The following PROX1 variants were observed in gnomAD, a reference collection of about 807,000 sequenced individuals.
PROX1 encodes prospero homeobox 1, also known as prospero homeobox protein 1.
In PROX1, 7 loss-of-function variants were observed where a neutral mutation model predicts 58.8. The ratio of observed to expected loss-of-function variants is 0.12; its 90% CI spans 0.07 to 0.22. The LOEUF (loss-of-function observed/expected upper bound fraction) is 0.22, where lower values mean the gene tolerates loss of function less well. Among genes scored for constraint, PROX1 ranks in the 10% least tolerant of loss-of-function variants. The pLI is 1.00. For missense variants in PROX1, 675 were observed against 927.8 expected, an observed-to-expected ratio of 0.73 and a Z score of 3.54; for synonymous variants, 350 against 358.3, an observed-to-expected ratio of 0.98 and a Z score of 0.26.
upstream of PROX1, chr1:213,983,401 C>A (rs1249894266): frequency 1.3e-5 from 2 of 152,602 alleles, no homozygotes; most frequent in Non-Finnish European, 2.9e-5. Flanking sequence ...GCCACACATC[C>A]GAAAGGGACT....
Position 213,998,901 on chromosome 1 carries a change from A to G in PROX1, c.1725+641A>G, listed in dbSNP as rs892409551. ...TTTTTTTTTAAGGAAATATACAGGT[A>G]CTGATTTATTCAGACAGCATCGGTC... On this transcript the variant is annotated intron_variant, in intron 2 of 4. Transcript: ENST00000366958. Among the ~76,000 whole-genome samples, 4 of 151,934 alleles carry G rather than the reference A, an allele frequency of 2.6e-5. No individual in the cohort carries two copies. The South Asian group carries it at 6.2e-4, about 24-fold the overall frequency.
chr1:214,028,674 T>C (rs750848371), intron 4 of PROX1, among the ~76,000 whole-genome samples: 1 of 152,206 alleles, frequency 6.6e-6, no homozygotes, highest in African/African-American at 2.4e-5. Flanking sequence ...CCAAAGTGCA[T>C]TCATGTTTTC....
upstream of PROX1, chr1:213,986,122 T>A (rs1261096785): frequency 6.6e-6 from 1 of 152,214 alleles, no homozygotes; most frequent in Non-Finnish European, 1.5e-5. Flanking sequence ...CTAATGGGCA[T>A]GTTGATTATT....
At chr1:214,001,577 G>A (rs1381308316) in intron 2 of PROX1, among the ~76,000 whole-genome samples, 1 of 152,168 alleles carries the variant, frequency 6.6e-6, no homozygotes, top group Non-Finnish European at 1.5e-5. Context: ...CTCTGAAACA[G>A]CCGGCTTTTT....
intron 2 of PROX1, among the ~76,000 whole-genome samples, chr1:214,003,741 C>A (rs773444588): frequency 6.6e-6 from 1 of 152,208 alleles, no homozygotes; most frequent in Non-Finnish European, 1.5e-5. Flanking sequence ...GTTAATTGAA[C>A]AAATTCTCAG....
intron 2 of PROX1, among the ~76,000 whole-genome samples, chr1:213,999,427 T>C (rs1663410639): frequency 6.6e-6 from 1 of 152,202 alleles, no homozygotes; most frequent in Non-Finnish European, 1.5e-5. Context: ...GATTGACATT[T>C]TCATATCTAA....
chr1:214,009,067 C>T (rs960853091), intron 3 of PROX1, among the ~76,000 whole-genome samples: 4 of 152,188 alleles, frequency 2.6e-5, no homozygotes, highest in African/African-American at 4.8e-5. Flanking sequence ...GAAGAACAGA[C>T]GCTCACAGCT....
chr1:214,002,677 ATGTT>A (rs1440436194), intron 2 of PROX1, among the ~76,000 whole-genome samples: 1 of 151,948 alleles, frequency 6.6e-6, no homozygotes, highest in African/African-American at 2.4e-5. Context: ...GTACAGCTGT[ATGTT>A]TACTGAATCT....
At chr1:214,026,763 C>A (rs1487629201) in intron 4 of PROX1, among the ~76,000 whole-genome samples, 2 of 152,144 alleles carry the variant, frequency 1.3e-5, no homozygotes, top group Non-Finnish European at 2.9e-5. Context: ...TCATTCATTG[C>A]TGTGGTCAGA....
At chr1:213,985,678 A>G (rs1300831790), upstream of PROX1, 1 of 152,290 alleles carries the variant, frequency 6.6e-6, no homozygotes, top group African/African-American at 2.4e-5. Context: ...TGGGGTTCTC[A>G]GGGAACTTTT....
upstream of PROX1, chr1:213,984,185 G>A (rs1012320224): frequency 3.9e-5 from 6 of 152,162 alleles, no homozygotes; most frequent in African/African-American, 1.4e-4. Context: ...TTCAATCACT[G>A]ACAACCTCCT....
intron 4 of PROX1, among the ~76,000 whole-genome samples, chr1:214,026,900 C>T (rs1313383140): frequency 6.6e-6 from 1 of 152,170 alleles, no homozygotes; most frequent in Non-Finnish European, 1.5e-5. Context: ...CTCAACCTCC[C>T]TCCTTGGCAG....
intron 4 of PROX1, among the ~76,000 whole-genome samples, chr1:214,031,526 C>T (rs1368637268): frequency 6.6e-6 from 1 of 152,108 alleles, no homozygotes; most frequent in Non-Finnish European, 1.5e-5. Flanking sequence ...TCTTGCATTC[C>T]AGTGACTTGA....
At chr1:213,993,812 T>C (rs1305492326) in intron 1 of PROX1, among the ~76,000 whole-genome samples, 1 of 152,264 alleles carries the variant, frequency 6.6e-6, no homozygotes, top group African/African-American at 2.4e-5. Flanking sequence ...TTATTTGTTA[T>C]GTTCCAGCTG....
intron 4 of PROX1, among the ~76,000 whole-genome samples, chr1:214,013,138 G>GGTGT (rs67603307): frequency 1.6e-3 from 235 of 148,288 alleles, no homozygotes; most frequent in Middle Eastern, 7.0e-3. Context: ...AAGTTTGGGT[G>GGTGT]GTGTGTGTGT....
intron 3 of PROX1, among the ~76,000 whole-genome samples, chr1:214,007,348 T>C (rs1442020479): frequency 6.6e-6 from 1 of 152,234 alleles, no homozygotes; most frequent in Non-Finnish European, 1.5e-5. Flanking sequence ...TTACTACCAA[T>C]TATCCACTGT....
At chr1:214,034,433 T>G (rs1174480476) in intron 4 of PROX1, among the ~76,000 whole-genome samples, 1 of 152,240 alleles carries the variant, frequency 6.6e-6, no homozygotes, top group African/African-American at 2.4e-5. Context: ...CTCATACGTC[T>G]GCACTTAATG....
rs571122333 is a variant in PROX1, at chr1:214,040,276, A to C, written c.*4442A>C. The stretch of plus-strand genomic sequence containing the variant: ...TGGTATTTAACCTTTGCATCTTCTT[A>C]TAATTATCCTTCTAAGAATATAACA... On this transcript the variant is annotated 3_prime_UTR_variant, in exon 5 of 5. Coordinates refer to ENST00000366958, the MANE Select transcript of PROX1 (RefSeq NM_001270616.2). 1.3e-5 allele frequency: 2 copies of C among 152,216 alleles called. No homozygotes were observed. Among genetic ancestry groups the C allele is most frequent in the Non-Finnish European group, 2.9e-5 (2 of 68,032 alleles). 9.4% of individuals were successfully genotyped at this position (152,216 alleles called of 1,614,324 possible).
chr1:214,005,081 C>A (rs1663658686), intron 2 of PROX1, 84 bp from the exon 3 acceptor site: 4 of 1,061,156 alleles, frequency 3.8e-6, no homozygotes, highest in Non-Finnish European at 4.3e-6. Flanking sequence ...GACCCCCAGA[C>A]TCTATGGAGG....
Sources: gnomAD v4.1 joint callset for allele counts (sites outside exome capture counted in the v4.1 genomes callset) on GRCh38, gnomAD v4.1.1 for gene constraint, MANE v1.5 for transcripts, NCBI Gene and HGNC (gene_info 2026-07-23, HGNC 2026-07-21) for gene names.